Variants in ANO6 observed in about 807,000 individuals in gnomAD.
ANO6 encodes the protein anoctamin 6.
A neutral mutation model predicts 117.5 loss-of-function variants in ANO6; 106 were observed. That is an observed-to-expected ratio of 0.90 (90% CI 0.77 to 1.06). The LOEUF (loss-of-function observed/expected upper bound fraction) is 1.06, where lower values mean the gene tolerates loss of function less well. ANO6 is among the 50% of genes least tolerant of loss of function. The pLI, the probability that ANO6 is intolerant of heterozygous loss-of-function variation, is 0.00. For synonymous variants in ANO6, 367 were observed against 385.1 expected, an observed-to-expected ratio of 0.95 and a Z score of 0.55; for missense variants, 955 against 1,121.1, an observed-to-expected ratio of 0.85 and a Z score of 2.12.
chr12:45,385,346 A>G (rs1249026940), intron 10 of ANO6, among the ~76,000 whole-genome samples: 2 of 152,150 alleles, frequency 1.3e-5, no homozygotes, highest in Non-Finnish European at 1.5e-5. Flanking sequence ...AGAGTGGGAG[A>G]CAGAGCTGAG....
intron 19 of ANO6, among the ~76,000 whole-genome samples, chr12:45,425,502 T>C (rs1943479099): frequency 6.6e-6 from 1 of 152,170 alleles, no homozygotes; most frequent in South Asian, 2.1e-4. Context: ...AAAAAACTGA[T>C]GACTAACAGA....
chr12:45,428,949 G>A (rs2137732824), intron 19 of ANO6, among the ~76,000 whole-genome samples, 156 bp from the exon 20 acceptor site: 1 of 152,268 alleles, frequency 6.6e-6, no homozygotes, highest in South Asian at 2.1e-4. Flanking sequence ...GAGCCACACT[G>A]TTGATTAGAC....
At chr12:45,256,259 T>G (rs894776813) in intron 1 of ANO6, among the ~76,000 whole-genome samples, 11 of 152,188 alleles carry the variant, frequency 7.2e-5, no homozygotes, top group Non-Finnish European at 1.5e-4. Context: ...ATTCACAGTA[T>G]TTTTTGTTCC....
At chr12:45,432,976 A>G (rs1943664803), downstream of ANO6, among the ~76,000 whole-genome samples, 1 of 152,186 alleles carries the variant, frequency 6.6e-6, no homozygotes, top group African/African-American at 2.4e-5. Context: ...AGGTTATACT[A>G]ACAAAGTCAG....
At chr12:45,374,831 A>G (rs1395233791) in intron 9 of ANO6, among the ~76,000 whole-genome samples, 1 of 152,214 alleles carries the variant, frequency 6.6e-6, no homozygotes, top group African/African-American at 2.4e-5. Flanking sequence ...CCTATTCAAC[A>G]TAGTGTTGGA....
chr12:45,390,644 A>G, intron 12 of ANO6, 146 bp downstream of exon 12: 1 of 769,620 alleles, frequency 1.3e-6, no homozygotes, highest in East Asian at 2.8e-5. Context: ...AGATATTTCC[A>G]GATAACTATT....
chr12:45,265,611 T>C (rs934336846), intron 1 of ANO6, among the ~76,000 whole-genome samples: 2 of 152,178 alleles, frequency 1.3e-5, no homozygotes, highest in Non-Finnish European at 2.9e-5. Flanking sequence ...GCTGAGACTT[T>C]ACCCAGCTGA....
chr12:45,252,766 T>C (rs769590029), intron 1 of ANO6, among the ~76,000 whole-genome samples: 2 of 152,232 alleles, frequency 1.3e-5, no homozygotes, highest in African/African-American at 2.4e-5. Context: ...TATTTTAATT[T>C]TTGTATTTCA....
At chr12:45,376,877 GAAA>G (rs200269070) in intron 9 of ANO6, among the ~76,000 whole-genome samples, 1 of 137,674 alleles carries the variant, frequency 7.3e-6, no homozygotes, top group South Asian at 2.4e-4. Flanking sequence ...AAAGAATATT[GAAA>G]AAAAAAAAGA....
chr12:45,292,978 A>G, intron 1 of ANO6: 2 of 1,550,728 alleles, frequency 1.3e-6, no homozygotes, highest in Non-Finnish European at 1.7e-6. Context: ...AACAGTGAGC[A>G]GTGGGCAGAG....
Position 45,390,471 on chromosome 12 carries a change from C to T in ANO6, c.1359C>T (p.Thr453=). ...CCTGGGGAAAATGTATACGGATAAC[C>T]CTCTGTGCCAGTGCTGTCTTTTTCT... ...FTAWGKCIRI[T]LCASAVFFWI... The change falls in exon 12 of 20, where the codon ACC becomes ACT. Residue 453 remains threonine (T), a synonymous_variant. Coordinates refer to ENST00000320560, the MANE Select transcript of ANO6 (RefSeq NM_001025356.3). 1.2e-6 allele frequency: 2 copies of T among 1,613,764 alleles called. No individual in the cohort carries two copies. Among genetic ancestry groups the T allele is most frequent in the Middle Eastern group, 1.7e-4 (1 of 6,058 alleles).
chr12:45,372,746 G>A (rs868631193), intron 9 of ANO6, among the ~76,000 whole-genome samples: 104 of 152,226 alleles, frequency 6.8e-4, no homozygotes, highest in Non-Finnish European at 5.0e-4. Context: ...AGTACCAGGC[G>A]CTGCAAAATC....
At chr12:45,439,854 T>A (rs1437677542) in exon 20 of ANO6, 3 of 1,535,086 alleles carry the variant, frequency 2.0e-6, no homozygotes, top group Non-Finnish European at 2.6e-6. Context: ...CAATAATATC[T>A]ATTTTCTTTT....
intron 1 of ANO6, among the ~76,000 whole-genome samples, chr12:45,275,819 C>G (rs1490341207): frequency 6.6e-6 from 1 of 152,192 alleles, no homozygotes; most frequent in Non-Finnish European, 1.5e-5. Context: ...ATTACTTGGC[C>G]TCCTGGGAAT....
chr12:45,260,946 A>C (rs966458074), intron 1 of ANO6, among the ~76,000 whole-genome samples: 1 of 151,080 alleles, frequency 6.6e-6, no homozygotes, highest in Non-Finnish European at 1.5e-5. Flanking sequence ...TGCCACCGCA[A>C]CCGGCTGTTT....
At chr12:45,220,920 C>T (rs1275728087) in intron 1 of ANO6, among the ~76,000 whole-genome samples, 1 of 152,224 alleles carries the variant, frequency 6.6e-6, no homozygotes, top group Non-Finnish European at 1.5e-5. Flanking sequence ...AATAAAGCCT[C>T]CATAAGAACC....
intron 1 of ANO6, among the ~76,000 whole-genome samples, chr12:45,297,724 A>T (rs1939341086): frequency 6.6e-6 from 1 of 152,196 alleles, no homozygotes; most frequent in Admixed American, 6.5e-5. Context: ...AAATTTTTAA[A>T]GTATGCTCTT....
At chr12:45,269,092 T>A (rs1304064583) in intron 1 of ANO6, among the ~76,000 whole-genome samples, 1 of 152,184 alleles carries the variant, frequency 6.6e-6, no homozygotes, top group Non-Finnish European at 1.5e-5. Flanking sequence ...TCTGGTGCTG[T>A]TCCCAGGCCC....
chr12:45,289,886 G>A (rs188151244), intron 1 of ANO6, among the ~76,000 whole-genome samples: 2 of 152,244 alleles, frequency 1.3e-5, no homozygotes, highest in Non-Finnish European at 2.9e-5. Context: ...GAATATATTC[G>A]TAGTTATTAC....
Sources: allele counts gnomAD v4.1 joint callset (sites outside exome capture counted in the v4.1 genomes callset), GRCh38; gene constraint gnomAD v4.1.1; transcripts MANE v1.5; gene names NCBI Gene and HGNC (gene_info 2026-07-23, HGNC 2026-07-21).